The following LBR variants were observed in gnomAD, a reference collection of about 807,000 sequenced individuals.
LBR encodes the protein delta(14)-sterol reductase LBR.
LBR carries 28 observed loss-of-function variants against 74.3 expected under a neutral mutation model. The observed-to-expected ratio is 0.38, with a 90% CI of 0.28 to 0.52. The LOEUF is 0.52. Ranked by LOEUF, LBR falls within the 20% of genes least tolerant of loss-of-function variation. The probability of loss-of-function intolerance (pLI) is 0.89; values close to 1 mark genes in which losing one functional copy is unlikely to be tolerated. For synonymous variants in LBR, 228 were observed against 269.3 expected, an observed-to-expected ratio of 0.85 and a Z score of 1.50; for missense variants, 717 against 760.3, an observed-to-expected ratio of 0.94 and a Z score of 0.67.
In LBR at chr1:225,406,517, A is replaced by AT. The variant is rs1238603732; in HGVS notation, c.1483+146dup. On this transcript the variant is annotated intron_variant, in intron 11 of 13. Coordinates refer to ENST00000272163, the MANE Select transcript of LBR (RefSeq NM_002296.4). The stretch of plus-strand genomic sequence containing the variant: ...CATCCATTCTCTTTGCAAAATGCAG[A>AT]TTTTTTATTACTCATGATAAATGGC... 26 of 690,388 alleles carry AT rather than the reference A, an allele frequency of 3.8e-5. No individual in the cohort carries two copies. In the East Asian group the frequency reaches 6.9e-4, roughly 18 times the overall value. The allele number at this position is 690,388 out of a possible 1,614,324, so 42.8% of individuals were successfully genotyped here.
chr1:225,411,301 T>C, intron 9 of LBR, 36 bp downstream of exon 9: 2 of 1,428,464 alleles, frequency 1.4e-6, no homozygotes, highest in Non-Finnish European at 2.0e-6. Context: ...TTAGACCTAT[T>C]GAATTGAAAT....
chr1:225,405,549 T>TCCTCACTCTCTCTTGCCCTC (rs1394338432), intron 11 of LBR, among the ~76,000 whole-genome samples: 31 of 152,116 alleles, frequency 2.0e-4, no homozygotes, highest in Non-Finnish European at 3.1e-4. Flanking sequence ...CTCTTGCTCT[T>TCCTCACTCTCTCTTGCCCTC]CCTCACTCTC....
chr1:225,415,239 A>G, intron 7 of LBR, 39 bp downstream of exon 7: 1 of 1,300,078 alleles, frequency 7.7e-7, no homozygotes, highest in Non-Finnish European at 1.1e-6. Context: ...AGTTTAAGCT[A>G]TCAAATCATC....
At chr1:225,428,285 T>C (rs946910912), upstream of LBR, among the ~76,000 whole-genome samples, 4 of 152,036 alleles carry the variant, frequency 2.6e-5, no homozygotes, top group African/African-American at 7.2e-5. Context: ...AAACCGAGTC[T>C]GGCGGGGCGG....
At chr1:225,418,396 T>TAA (rs566412801) in intron 5 of LBR, among the ~76,000 whole-genome samples, 5 of 140,572 alleles carry the variant, frequency 3.6e-5, no homozygotes, top group Admixed American at 1.4e-4. Context: ...TAAATAAAAA[T>TAA]AAAAAAAAAA....
intron 7 of LBR, 100 bp downstream of exon 7, chr1:225,415,178 T>C (rs943804298): frequency 8.4e-5 from 65 of 770,206 alleles, no homozygotes; most frequent in Admixed American, 2.4e-4. Context: ...AAATAATTTA[T>C]CACTTACTAC....
At chr1:225,415,182 T>G (rs894061558) in intron 7 of LBR, 96 bp downstream of exon 7, 41 of 795,264 alleles carry the variant, frequency 5.2e-5, no homozygotes, top group Non-Finnish European at 8.4e-5. Flanking sequence ...AATTTATCAC[T>G]TACTACTCTG....
At chr1:225,406,872 G>T (rs530466552) in intron 10 of LBR, 40 bp from the exon 11 acceptor site, 1 of 1,590,446 alleles carries the variant, frequency 6.3e-7, no homozygotes, top group Non-Finnish European at 8.6e-7. Flanking sequence ...AGGAGCTTCT[G>T]TGTTTAAAGT....
intron 12 of LBR, 24 bp from the exon 13 acceptor site, chr1:225,404,550 T>C (rs1463101980): frequency 1.3e-6 from 2 of 1,580,824 alleles, no homozygotes; most frequent in Admixed American, 3.4e-5. Context: ...AAAGTACATT[T>C]TTAATGATGT....
At chr1:225,425,488 G>A (rs1441993942) in intron 1 of LBR, among the ~76,000 whole-genome samples, 3 of 152,158 alleles carry the variant, frequency 2.0e-5, no homozygotes, top group East Asian at 1.9e-4. Flanking sequence ...GAGTAGTGGG[G>A]AGGAGCCCAC....
intron 1 of LBR, among the ~76,000 whole-genome samples, chr1:225,425,296 C>T (rs1196878404): frequency 6.6e-6 from 1 of 152,120 alleles, no homozygotes; most frequent in African/African-American, 2.4e-5. Context: ...TGTGAAAAAA[C>T]TTAACAAGCT....
At chr1:225,408,825 C>T (rs1291106788) in intron 10 of LBR, among the ~76,000 whole-genome samples, 2 of 152,186 alleles carry the variant, frequency 1.3e-5, no homozygotes, top group African/African-American at 4.8e-5. Context: ...TAACACAAGT[C>T]AATGTTTGGC....
intron 8 of LBR, among the ~76,000 whole-genome samples, chr1:225,412,089 C>T (rs1409294367): frequency 3.3e-5 from 5 of 152,362 alleles, no homozygotes; most frequent in Admixed American, 3.3e-4. Flanking sequence ...GGATTACAGG[C>T]ATGAGCCACC....
intron 3 of LBR, among the ~76,000 whole-genome samples, 167 bp downstream of exon 3, chr1:225,421,910 A>G (rs965229737): frequency 1.3e-5 from 2 of 152,252 alleles, no homozygotes; most frequent in Non-Finnish European, 2.9e-5. Context: ...TTCCATTGAT[A>G]TTTAAAACTT....
chr1:225,416,767 T>G (rs2096117913), intron 6 of LBR, among the ~76,000 whole-genome samples: 1 of 152,238 alleles, frequency 6.6e-6, no homozygotes, highest in Non-Finnish European at 1.5e-5. Flanking sequence ...CTTTTTCTTG[T>G]CCTTATTCCC....
At chr1:225,425,493 G>C (rs554761342) in intron 1 of LBR, among the ~76,000 whole-genome samples, 1 of 152,148 alleles carries the variant, frequency 6.6e-6, no homozygotes, top group Non-Finnish European at 1.5e-5. Flanking sequence ...GTGGGGAGGA[G>C]CCCACAAGTT....
Position 225,403,161 on chromosome 1 carries a change from G to A in LBR, c.*142C>T, listed in dbSNP as rs533725816. The A allele has an allele frequency of 2.0e-5, 14 of 701,338 alleles. No individual in the cohort carries two copies. The highest frequency in any genetic ancestry group is 3.2e-4 in the Middle Eastern group (1 of 3,082). 43.4% of individuals were successfully genotyped at this position (701,338 alleles called of 1,614,324 possible). A position where few individuals can be genotyped will look rare whatever the true frequency, so the allele number is the denominator to read the frequency against. ...GGCTATATTAAAAGATCAACTACTC[G>A]GCTCCATAGTCCTGACTCAAAAAGA... On this transcript the variant is annotated 3_prime_UTR_variant, in exon 14 of 14. Transcript: ENST00000272163.
In LBR at chr1:225,404,511, T is replaced by C; in HGVS notation, c.1580A>G (p.His527Arg). Residue 527 changes from histidine to arginine, a missense_variant, in exon 13 of 14, where the codon CAT becomes CGT. Coordinates refer to ENST00000272163, the MANE Select transcript of LBR (RefSeq NM_002296.4). ...TAGAAGATTTTTTCCCGTTGAAGTA[T>C]GAATGGTTTTTAAATCTATATAAAA... Reference protein sequence around the residue: ...DPKLAHLKTIHTSTGKNLLVS... With the variant: ...DPKLAHLKTIRTSTGKNLLVS... The C allele has an allele frequency of 6.2e-7, 1 of 1,611,702 alleles. No homozygotes were observed. The highest frequency in any genetic ancestry group is 8.5e-7 in the Non-Finnish European group (1 of 1,178,254).
intron 1 of LBR, among the ~76,000 whole-genome samples, chr1:225,426,341 A>G (rs748476485): frequency 6.6e-6 from 1 of 152,208 alleles, no homozygotes; most frequent in South Asian, 2.1e-4. Flanking sequence ...GTCACTCACT[A>G]TGCACTCACC....
Sources: allele counts gnomAD v4.1 joint callset (sites outside exome capture counted in the v4.1 genomes callset), GRCh38; gene constraint gnomAD v4.1.1; transcripts MANE v1.5; gene names NCBI Gene and HGNC (gene_info 2026-07-23, HGNC 2026-07-21).